SLC66A3: variants seen among roughly 807,000 people sequenced by gnomAD.
SLC66A3 encodes solute carrier family 66 member 3.
SLC66A3 carries 23 observed loss-of-function variants against 25.5 expected under a neutral mutation model. The observed-to-expected ratio is 0.90, with a 90% CI of 0.65 to 1.28. The LOEUF (loss-of-function observed/expected upper bound fraction) is 1.28, where lower values mean the gene tolerates loss of function less well. Among genes scored for constraint, SLC66A3 ranks in the 50% most tolerant of loss-of-function variants. SLC66A3 has a pLI of 0.00. For synonymous variants in SLC66A3, 108 were observed against 112.6 expected, an observed-to-expected ratio of 0.96 and a Z score of 0.26; for missense variants, 246 against 262.1, an observed-to-expected ratio of 0.94 and a Z score of 0.42.
Position 11,178,002 on chromosome 2 carries a change from C to A in SLC66A3, c.*174C>A, listed in dbSNP as rs1246625793. 13 of 572,848 alleles carry A rather than the reference C, an allele frequency of 2.3e-5. No individual in the cohort carries two copies. The highest frequency in any genetic ancestry group is 3.7e-5 in the Non-Finnish European group (12 of 326,078). The allele number at this position is 572,848 out of a possible 1,614,324, so 35.5% of individuals were successfully genotyped here. ...CCACTTAAATTCTTGTTTAAAAATACCAATTTGCCTCCTCCTTCCTCACTT... is the reference window on the plus strand; with the variant it reads ...CCACTTAAATTCTTGTTTAAAAATAACAATTTGCCTCCTCCTTCCTCACTT... On this transcript the variant is annotated 3_prime_UTR_variant, in exon 7 of 7. Coordinates refer to ENST00000295083, the MANE Select transcript of SLC66A3 (RefSeq NM_152391.5).
chr2:11,159,422 C>A (rs563468005), intron 1 of SLC66A3, among the ~76,000 whole-genome samples: 9 of 152,264 alleles, frequency 5.9e-5, no homozygotes, highest in African/African-American at 2.2e-4. Context: ...GGGTGGGGAC[C>A]CTGCTGGGCA....
intron 6 of SLC66A3, among the ~76,000 whole-genome samples, chr2:11,175,393 A>G (rs1662701733): frequency 6.6e-6 from 1 of 152,216 alleles, no homozygotes; most frequent in Non-Finnish European, 1.5e-5. Flanking sequence ...TAATTTGAAG[A>G]AGAGTGATCG....
rs1288894888 is a variant in SLC66A3 at position 11,178,323 on chromosome 2, CTTG to C, written c.*500_*502del. ...TGTAACACAGATACAACAGGGTGGC[CTTG>C]TTGTGTATAATACGGTATTATACCC... is the stretch of plus-strand genomic sequence containing the variant. On this transcript the variant is annotated 3_prime_UTR_variant, in exon 7 of 7. Coordinates refer to ENST00000295083, the MANE Select transcript of SLC66A3 (RefSeq NM_152391.5). 6.4e-6 allele frequency: 1 copy of C among 155,292 alleles called. No individual in the cohort carries two copies. Among genetic ancestry groups the C allele is most frequent in the Non-Finnish European group, 1.4e-5 (1 of 70,106 alleles). 9.6% of individuals were successfully genotyped at this position (155,292 alleles called of 1,614,324 possible).
At chr2:11,165,871 T>G (rs920552458) in intron 4 of SLC66A3, among the ~76,000 whole-genome samples, 1 of 151,456 alleles carries the variant, frequency 6.6e-6, no homozygotes, top group East Asian at 2.0e-4. Flanking sequence ...CGAAAACCAG[T>G]CAGGCGTGGC....
At chr2:11,158,514 T>G (rs1431382324) in intron 1 of SLC66A3, among the ~76,000 whole-genome samples, 1 of 152,192 alleles carries the variant, frequency 6.6e-6, no homozygotes, top group Non-Finnish European at 1.5e-5. Flanking sequence ...TACAAAAAAT[T>G]AGCTGGGCGT....
At chr2:11,160,729 G>T (rs372161213) in intron 3 of SLC66A3, 35 bp downstream of exon 3, 131 of 1,613,096 alleles carry the variant, frequency 8.1e-5, no homozygotes, top group Non-Finnish European at 9.3e-5. Flanking sequence ...AAGTGGGAAC[G>T]GGGATGTTAT....
chr2:11,157,159 G>A (rs373109309), intron 1 of SLC66A3, among the ~76,000 whole-genome samples: 1 of 152,276 alleles, frequency 6.6e-6, no homozygotes, highest in African/African-American at 2.4e-5. Flanking sequence ...TCAGAGATAC[G>A]CAGGTGAGGG....
At chr2:11,164,844 T>A (rs191871778) in intron 4 of SLC66A3, among the ~76,000 whole-genome samples, 52 of 152,204 alleles carry the variant, frequency 3.4e-4, no homozygotes, top group Middle Eastern at 3.4e-3. Context: ...CAGAGAGCAC[T>A]GGGTTGGGGG....
intron 6 of SLC66A3, 50 bp from the exon 7 acceptor site, chr2:11,177,687 T>G: frequency 8.5e-7 from 1 of 1,175,386 alleles, no homozygotes; most frequent in Non-Finnish European, 1.3e-6. Context: ...GAGGTGGTTT[T>G]GGTCTGTATT....
chr2:11,165,677 C>G (rs191866757), intron 4 of SLC66A3, among the ~76,000 whole-genome samples: 12,079 of 151,934 alleles, frequency 0.08, 684 homozygotes, highest in African/African-American at 0.16. Flanking sequence ...CTGGGAGGTG[C>G]AGGTTGTAGC....
chr2:11,174,894 G>T, intron 5 of SLC66A3, 74 bp from the exon 6 acceptor site: 1 of 963,282 alleles, frequency 1.0e-6, no homozygotes, highest in East Asian at 2.4e-5. Context: ...ATATTAAAAG[G>T]GAAAGACATT....
chr2:11,161,081 GC>G (rs954842765), intron 3 of SLC66A3, among the ~76,000 whole-genome samples: 4 of 152,194 alleles, frequency 2.6e-5, no homozygotes, highest in African/African-American at 9.6e-5. Flanking sequence ...TAGCTTAGAG[GC>G]TAAACCTTGA....
intron 5 of SLC66A3, chr2:11,172,772 C>G: frequency 2.3e-6 from 1 of 441,648 alleles, no homozygotes; most frequent in South Asian, 1.6e-5. Flanking sequence ...CTCTCACAGG[C>G]TGGAGTGCAG....
chr2:11,173,083 G>A (rs1247566885), intron 5 of SLC66A3, among the ~76,000 whole-genome samples: 1 of 152,088 alleles, frequency 6.6e-6, no homozygotes, highest in Non-Finnish European at 1.5e-5. Context: ...GGCTGGTTTT[G>A]AACTCCTGAC....
At chr2:11,162,901 C>T (rs1011269680) in intron 3 of SLC66A3, among the ~76,000 whole-genome samples, 2 of 152,186 alleles carry the variant, frequency 1.3e-5, no homozygotes. Flanking sequence ...CCACCGTGCC[C>T]GGCCTAATGA....
intron 4 of SLC66A3, among the ~76,000 whole-genome samples, chr2:11,168,098 G>A (rs951196287): frequency 3.3e-5 from 5 of 152,080 alleles, no homozygotes; most frequent in Admixed American, 1.3e-4. Context: ...GGCTAACACG[G>A]TGAAACCTCG....
chr2:11,162,330 G>A (rs879473238), intron 3 of SLC66A3, among the ~76,000 whole-genome samples: 15 of 152,194 alleles, frequency 9.9e-5, no homozygotes, highest in Non-Finnish European at 1.8e-4. Flanking sequence ...AACACTTCAC[G>A]GTCAGTCCCA....
intron 4 of SLC66A3, among the ~76,000 whole-genome samples, chr2:11,165,137 C>T (rs573221558): frequency 1.3e-5 from 2 of 151,620 alleles, no homozygotes; most frequent in East Asian, 2.0e-4. Context: ...ACCTCCCGGA[C>T]GGGGCGGCTG....
intron 1 of SLC66A3, among the ~76,000 whole-genome samples, chr2:11,156,513 A>G (rs1158765800): frequency 6.6e-6 from 1 of 152,060 alleles, no homozygotes; most frequent in Non-Finnish European, 1.5e-5. Context: ...CTGGTCCTCC[A>G]CACAAGCCTT....
Sources: allele counts gnomAD v4.1 joint callset (sites outside exome capture counted in the v4.1 genomes callset), GRCh38; gene constraint gnomAD v4.1.1; transcripts MANE v1.5; gene names NCBI Gene and HGNC (gene_info 2026-07-23, HGNC 2026-07-21).